Variants in C7 observed in about 807,000 individuals in gnomAD.
C7 encodes the protein complement component C7.
In C7, 83 loss-of-function variants were observed where a neutral mutation model predicts 104.8. That is an observed-to-expected ratio of 0.79 (90% CI 0.66 to 0.95). The LOEUF is 0.95. C7 is among the 40% of genes least tolerant of loss of function. The pLI is 0.00. For synonymous variants in C7, 415 were observed against 360.6 expected (o/e 1.15, Z -1.71); for missense variants, 1,070 against 1,011.2 (o/e 1.06, Z -0.79).
At chr5:40,911,831 T>A (rs1194760582) in intron 1 of C7, among the ~76,000 whole-genome samples, 1 of 151,152 alleles carries the variant, frequency 6.6e-6, no homozygotes, top group Non-Finnish European at 1.5e-5. Flanking sequence ...TTCCGCCTCC[T>A]GGGTTCAAGC....
intron 14 of C7, among the ~76,000 whole-genome samples, chr5:40,966,266 C>T (rs1014510064): frequency 2.6e-5 from 4 of 152,092 alleles, no homozygotes; most frequent in African/African-American, 9.7e-5. Flanking sequence ...ACCCCCTTCC[C>T]ACCCTTTCTC....
chr5:40,953,554 T>A (rs1303439032), intron 9 of C7, among the ~76,000 whole-genome samples: 3 of 149,836 alleles, frequency 2.0e-5, no homozygotes, highest in Non-Finnish European at 4.4e-5. Flanking sequence ...GGCAGGAGAA[T>A]TGCTTGAACC....
chr5:40,941,940 T>C (rs1024958835), intron 6 of C7, among the ~76,000 whole-genome samples: 2 of 151,434 alleles, frequency 1.3e-5, no homozygotes, highest in African/African-American at 4.9e-5. Flanking sequence ...CATAGAGGAG[T>C]AATAGAAGGA....
intron 1 of C7, among the ~76,000 whole-genome samples, chr5:40,913,111 T>C (rs994934577): frequency 6.6e-6 from 1 of 152,238 alleles, no homozygotes; most frequent in African/African-American, 2.4e-5. Flanking sequence ...GTTCCATCCA[T>C]GCTGCTGCAA....
At chr5:40,978,509 T>G (rs934537859) in intron 16 of C7, among the ~76,000 whole-genome samples, 4 of 152,236 alleles carry the variant, frequency 2.6e-5, no homozygotes, top group African/African-American at 9.6e-5. Flanking sequence ...CAAGGTGGTA[T>G]TGTAAGGTCT....
chr5:40,932,427 C>A (rs1355664980), intron 3 of C7, among the ~76,000 whole-genome samples: 3 of 152,074 alleles, frequency 2.0e-5, no homozygotes, highest in Non-Finnish European at 4.4e-5. Context: ...AGTTTCTGAA[C>A]ATTTCAAGAG....
At chr5:40,957,884 T>C (rs950174903) in intron 10 of C7, 149 bp from the exon 11 acceptor site, 3 of 532,028 alleles carry the variant, frequency 5.6e-6, no homozygotes, top group Admixed American at 6.9e-5. Flanking sequence ...GAGTGCACTG[T>C]TTTCCTTTGT....
chr5:40,947,469 C>T lies in C7; in HGVS notation c.739-133C>T, dbSNP rs115556117. 3,354 of 937,926 alleles carry T rather than the reference C, an allele frequency of 3.6e-3. 17 individuals carry two copies. The highest frequency in any genetic ancestry group is 4.7e-3 in the Non-Finnish European group (2,881 of 607,500). The allele number at this position is 937,926 out of a possible 1,614,324, so 58.1% of individuals were successfully genotyped here. On this transcript the variant is annotated intron_variant, in intron 7 of 17. Transcript: ENST00000313164. ...TGGGCCCATAAGAGTGCTCATCATG[C>T]GTCAAAAATAAAAATTCTTGTAGTC...
chr5:40,913,499 G>C (rs1739254998), intron 1 of C7, among the ~76,000 whole-genome samples: 1 of 151,720 alleles, frequency 6.6e-6, no homozygotes, highest in African/African-American at 2.4e-5. Flanking sequence ...GTTATTTTTT[G>C]ACATTTTTAA....
At chr5:40,959,422 T>C (rs763717123) in intron 11 of C7, 27 bp from the exon 12 acceptor site, 24 of 1,595,872 alleles carry the variant, frequency 1.5e-5, no homozygotes, top group South Asian at 2.3e-5. Flanking sequence ...TAAGAACTTA[T>C]TGATCAACCT....
intron 14 of C7, among the ~76,000 whole-genome samples, chr5:40,965,648 A>T (rs201166874): frequency 0.43 from 56,089 of 130,258 alleles, 12,603 homozygotes; most frequent in Middle Eastern, 0.57. Flanking sequence ...ATATATATAT[A>T]TTTTTTTTTT....
rs377156524 is a variant in C7, at chr5:40,981,521, G to A, written c.2480G>A (p.Gly827Glu). The change falls in exon 18 of 18, where the codon GGG becomes GAG. Residue 827 changes from glycine to glutamate, a missense_variant. Physicochemically the swap from Gly to Glu is moderately conservative, Grantham distance 98 (BLOSUM62 -2). Coordinates refer to ENST00000313164, the MANE Select transcript of C7 (RefSeq NM_000587.4). ...GAGGCGGGCGCTCTGAGATGCAGAG[G>A]GCAGAGCATCTCTGTCACCAGCATA... ...ECEAGALRCRGQSISVTSIRP... is the reference protein window; with the variant it reads ...ECEAGALRCREQSISVTSIRP... 3.0e-5 allele frequency: 49 copies of A among 1,613,620 alleles called. No individual in the cohort carries two copies. The African/African-American group carries it at 6.4e-4, about 21-fold the overall frequency.
chr5:40,974,137 T>G (rs1365840089), intron 15 of C7, among the ~76,000 whole-genome samples: 4 of 152,214 alleles, frequency 2.6e-5, no homozygotes, highest in African/African-American at 4.8e-5. Flanking sequence ...TTCCCATTGT[T>G]GTGCAACCAT....
At chr5:40,954,284 C>T (rs1412923081) in intron 9 of C7, among the ~76,000 whole-genome samples, 1 of 151,762 alleles carries the variant, frequency 6.6e-6, no homozygotes, top group Non-Finnish European at 1.5e-5. Flanking sequence ...ACCCATATAC[C>T]CATTTCCTAT....
At chr5:40,969,624 T>C (rs1740647225) in intron 14 of C7, among the ~76,000 whole-genome samples, 1 of 152,184 alleles carries the variant, frequency 6.6e-6, no homozygotes, top group Non-Finnish European at 1.5e-5. Context: ...ACTGAAGGTA[T>C]GGGCTTTCTA....
chr5:40,973,620 T>C (rs954579030), intron 15 of C7, among the ~76,000 whole-genome samples: 2 of 152,248 alleles, frequency 1.3e-5, no homozygotes, highest in Non-Finnish European at 2.9e-5. Context: ...CCTGATGTGC[T>C]GTTAAGTTAT....
chr5:40,939,965 A>C (rs1055507255), intron 6 of C7, among the ~76,000 whole-genome samples: 3 of 152,204 alleles, frequency 2.0e-5, no homozygotes, highest in Non-Finnish European at 4.4e-5. Context: ...CCTGCTATAG[A>C]ATGAGGAACA....
At chr5:40,964,599 T>A in intron 13 of C7, 142 bp from the exon 14 acceptor site, 1 of 680,218 alleles carries the variant, frequency 1.5e-6, no homozygotes, top group South Asian at 2.0e-5. Context: ...TAGGGGAAAA[T>A]GTTTTTATAG....
In C7 at chr5:40,946,650, C is replaced by A. The variant is rs1388189645; in HGVS notation, c.739-952C>A. On this transcript the variant is annotated intron_variant, in intron 7 of 17. Transcript: ENST00000313164. ...ATAAATCATACCTACAAGTCATTGT[C>A]AAGATGTGGACCATAGGGACACATT... Among the ~76,000 whole-genome samples, 8 of 152,196 alleles carry A rather than the reference C, an allele frequency of 5.3e-5. No homozygotes were observed. The East Asian group carries it at 1.5e-3, about 29-fold the overall frequency.
Sources: allele counts gnomAD v4.1 joint callset (sites outside exome capture counted in the v4.1 genomes callset), GRCh38; gene constraint gnomAD v4.1.1; transcripts MANE v1.5; gene names NCBI Gene and HGNC (gene_info 2026-07-23, HGNC 2026-07-21).